Variants in LSAMP observed in about 807,000 individuals in gnomAD.
LSAMP encodes the protein limbic system associated membrane protein, also known as limbic system-associated membrane protein.
A neutral mutation model predicts 38.6 loss-of-function variants in LSAMP; 7 were observed. That is an observed-to-expected ratio of 0.18 (90% CI 0.10 to 0.34). The LOEUF is 0.34. Ranked by LOEUF, LSAMP falls within the 10% of genes least tolerant of loss-of-function variation. The pLI, the probability that LSAMP is intolerant of heterozygous loss-of-function variation, is 1.00. For missense variants in LSAMP, 313 were observed against 420.0 expected (o/e 0.75, Z 2.23); for synonymous variants, 154 against 166.8 (o/e 0.92, Z 0.59).
At chr3:116,317,228 G>T (rs1475463384) in intron 1 of LSAMP, among the ~76,000 whole-genome samples, 1 of 152,096 alleles carries the variant, frequency 6.6e-6, no homozygotes, top group African/African-American at 2.4e-5. Context: ...CTAGGTTCGT[G>T]CCATCTTTAA....
At chr3:116,193,390 T>G (rs1710801202) in intron 1 of LSAMP, among the ~76,000 whole-genome samples, 1 of 152,214 alleles carries the variant, frequency 6.6e-6, no homozygotes, top group Admixed American at 6.5e-5. Flanking sequence ...CTGACAAGCC[T>G]TGGAATCATT....
intron 1 of LSAMP, among the ~76,000 whole-genome samples, chr3:116,290,567 T>C (rs1247716350): frequency 6.6e-6 from 1 of 151,636 alleles, no homozygotes. Flanking sequence ...CTATCTCTAC[T>C]AAAAATACAA....
intron 1 of LSAMP, among the ~76,000 whole-genome samples, chr3:116,288,253 C>T (rs2047217794): frequency 6.6e-6 from 1 of 152,118 alleles, no homozygotes; most frequent in African/African-American, 2.4e-5. Context: ...GAGCACCATC[C>T]CTGTCTTTCT....
At chr3:115,858,994 G>T (rs1250735856) in intron 3 of LSAMP, among the ~76,000 whole-genome samples, 1 of 152,060 alleles carries the variant, frequency 6.6e-6, no homozygotes, top group Non-Finnish European at 1.5e-5. Flanking sequence ...TGCACATCAC[G>T]TTCTACACAA....
In LSAMP at chr3:115,807,869, G is replaced by C. The variant is rs1043798159; in HGVS notation, c.*2448C>G. On this transcript the variant is annotated 3_prime_UTR_variant, in exon 7 of 7. Transcript: ENST00000490035. The stretch of plus-strand genomic sequence containing the variant: ...CCTATATTTTACTAGCTACCTTCTT[G>C]GATGAGAATTTGTTTTCTCTCCTAT... 2.6e-5 allele frequency: 4 copies of C among 152,036 alleles called. No homozygotes were observed. The highest frequency in any genetic ancestry group is 9.7e-5 in the African/African-American group (4 of 41,370). The allele number at this position is 152,036 out of a possible 1,614,324, so 9.4% of individuals were successfully genotyped here.
intron 3 of LSAMP, among the ~76,000 whole-genome samples, chr3:115,958,123 G>C (rs919027470): frequency 6.6e-6 from 1 of 152,088 alleles, no homozygotes; most frequent in African/African-American, 2.4e-5. Context: ...CACATAGTTT[G>C]GCTCATTTTA....
intron 3 of LSAMP, among the ~76,000 whole-genome samples, chr3:115,916,208 C>T (rs1937248152): frequency 6.6e-6 from 1 of 152,118 alleles, no homozygotes; most frequent in Non-Finnish European, 1.5e-5. Flanking sequence ...TGCCTTTTCT[C>T]TTCAAAGCCT....
intron 1 of LSAMP, among the ~76,000 whole-genome samples, chr3:116,213,445 C>T (rs894100384): frequency 4.6e-5 from 7 of 152,186 alleles, no homozygotes; most frequent in Non-Finnish European, 7.3e-5. Context: ...GATTGTGAGG[C>T]CTCTCCAGCC....
At chr3:116,437,223 G>A (rs536457549) in intron 1 of LSAMP, among the ~76,000 whole-genome samples, 28 of 151,946 alleles carry the variant, frequency 1.8e-4, no homozygotes, top group African/African-American at 6.8e-4. Flanking sequence ...AGGACACAAA[G>A]GCATAAGAAT....
chr3:115,819,928 T>C (rs62271065), intron 6 of LSAMP, among the ~76,000 whole-genome samples: 5,110 of 152,232 alleles, frequency 0.034, 103 homozygotes, highest in Non-Finnish European at 0.051. Context: ...TGGTTATGTG[T>C]TGCCATCTTG....
chr3:115,994,022 AAG>A (rs1288423317), intron 3 of LSAMP, among the ~76,000 whole-genome samples: 1 of 152,080 alleles, frequency 6.6e-6, no homozygotes, highest in African/African-American at 2.4e-5. Flanking sequence ...AGTTGGGAAA[AAG>A]AAACTTTGGT....
chr3:115,947,349 A>G (rs1938132790), intron 3 of LSAMP, among the ~76,000 whole-genome samples: 2 of 152,216 alleles, frequency 1.3e-5, no homozygotes, highest in Non-Finnish European at 2.9e-5. Context: ...GGAAGAACTA[A>G]AACTCCCATG....
rs888887352 is a variant in LSAMP, at chr3:116,445,131, G to A, written c.-100C>T. On this transcript the variant is annotated 5_prime_UTR_variant, in exon 1 of 7. Transcript: ENST00000490035. ...AACACGGGGCTTTCATCCACAGCGA[G>A]CGCAGAGCGGGCTTTGCCAGTTTAT... The A allele has an allele frequency of 2.4e-6, 3 of 1,255,466 alleles. No individual in the cohort carries two copies. The highest frequency in any genetic ancestry group is 3.0e-5 in the African/African-American group (2 of 67,008). 77.8% of individuals were successfully genotyped at this position (1,255,466 alleles called of 1,614,324 possible).
At chr3:116,268,863 A>T (rs1238154345) in intron 1 of LSAMP, among the ~76,000 whole-genome samples, 1 of 151,684 alleles carries the variant, frequency 6.6e-6, no homozygotes, top group African/African-American at 2.4e-5. Context: ...ATAGAAATGG[A>T]ACTAACTTTT....
intron 1 of LSAMP, among the ~76,000 whole-genome samples, chr3:116,273,809 TTCTTTCTCTC>T (rs1362391496): frequency 1.1e-5 from 1 of 87,486 alleles, no homozygotes; most frequent in Non-Finnish European, 2.3e-5. Context: ...CTCTTTTTCT[TTCTTTCTCTC>T]TCTCTCTCTC....
chr3:115,845,896 A>G (rs992819441), intron 4 of LSAMP, among the ~76,000 whole-genome samples: 1 of 152,214 alleles, frequency 6.6e-6, no homozygotes, highest in Non-Finnish European at 1.5e-5. Flanking sequence ...GTCAGTTACA[A>G]AGACCAACTA....
intron 1 of LSAMP, among the ~76,000 whole-genome samples, chr3:116,302,898 G>A (rs1232443216): frequency 6.6e-6 from 1 of 152,156 alleles, no homozygotes; most frequent in African/African-American, 2.4e-5. Flanking sequence ...GGACTAGCCT[G>A]TAAGTTAGTC....
intron 1 of LSAMP, among the ~76,000 whole-genome samples, chr3:116,110,054 A>G (rs1271231837): frequency 6.6e-6 from 1 of 151,882 alleles, no homozygotes; most frequent in Non-Finnish European, 1.5e-5. Context: ...CGGGGTGTGG[A>G]AATAAGGAAT....
chr3:115,926,064 T>C (rs575616398), intron 3 of LSAMP, among the ~76,000 whole-genome samples: 52 of 151,318 alleles, frequency 3.4e-4, no homozygotes, highest in South Asian at 3.1e-3. Context: ...AAAAAAAACA[T>C]GTAAGGGAGT....
Sources: gnomAD v4.1 joint callset for allele counts (sites outside exome capture counted in the v4.1 genomes callset) on GRCh38, gnomAD v4.1.1 for gene constraint, MANE v1.5 for transcripts, NCBI Gene and HGNC (gene_info 2026-07-23, HGNC 2026-07-21) for gene names.